The following SOX6 variants were observed in gnomAD, a reference collection of about 807,000 sequenced individuals.
The protein encoded by SOX6 is transcription factor SOX-6.
SOX6 carries 11 observed loss-of-function variants against 97.8 expected under a neutral mutation model. The observed-to-expected ratio is 0.11, with a 90% confidence interval of 0.07 to 0.19. The LOEUF (loss-of-function observed/expected upper bound fraction) is 0.19, where lower values mean the gene tolerates loss of function less well. SOX6 is among the 10% of genes least tolerant of loss of function. The pLI is 1.00. For synonymous variants in SOX6, 360 were observed against 371.4 expected, an observed-to-expected ratio of 0.97 and a Z score of 0.35; for missense variants, 810 against 1,039.5, an observed-to-expected ratio of 0.78 and a Z score of 3.04.
intron 4 of SOX6, among the ~76,000 whole-genome samples, chr11:16,514,652 C>T (rs945478564): frequency 1.3e-5 from 2 of 150,488 alleles, no homozygotes; most frequent in Non-Finnish European, 1.5e-5. Context: ...CCCACTAACT[C>T]GTCATCTAGC....
intron 4 of SOX6, among the ~76,000 whole-genome samples, chr11:16,608,476 G>T (rs751906966): frequency 2.0e-5 from 3 of 151,812 alleles, no homozygotes; most frequent in East Asian, 3.9e-4. Context: ...ACGAAAAAAA[G>T]AAGTAGTCAA....
chr11:16,596,103 T>A (rs1303172192), intron 4 of SOX6, among the ~76,000 whole-genome samples: 1 of 152,210 alleles, frequency 6.6e-6, no homozygotes, highest in African/African-American at 2.4e-5. Flanking sequence ...AACACCTAGA[T>A]CTAAAAGCTT....
At chr11:16,059,042 G>C (rs1443753298) in intron 9 of SOX6, among the ~76,000 whole-genome samples, 1 of 152,048 alleles carries the variant, frequency 6.6e-6, no homozygotes, top group East Asian at 1.9e-4. Flanking sequence ...AACTGGGCTT[G>C]ATTCTTTTTG....
chr11:16,389,549 AT>A (rs946277333), intron 1 of SOX6, among the ~76,000 whole-genome samples: 10 of 144,686 alleles, frequency 6.9e-5, no homozygotes, highest in Admixed American at 5.5e-4. Context: ...GAGATGTCTT[AT>A]TTTTTTTTCA....
intron 7 of SOX6, among the ~76,000 whole-genome samples, chr11:16,101,662 A>T (rs1205807146): frequency 6.6e-6 from 1 of 151,638 alleles, no homozygotes; most frequent in African/African-American, 2.4e-5. Context: ...ATTCATCCCC[A>T]TTACATAAAA....
At chr11:16,704,396 G>A (rs1184697453) in intron 3 of SOX6, among the ~76,000 whole-genome samples, 2 of 151,940 alleles carry the variant, frequency 1.3e-5, no homozygotes, top group South Asian at 2.1e-4. Flanking sequence ...CAACAAGCTA[G>A]GCAAACAATA....
intron 3 of SOX6, among the ~76,000 whole-genome samples, chr11:16,285,320 G>A (rs1479957710): frequency 6.6e-6 from 1 of 152,054 alleles, no homozygotes; most frequent in Non-Finnish European, 1.5e-5. Flanking sequence ...ATCATCTGAG[G>A]TCAGGAGTTC....
intron 4 of SOX6, among the ~76,000 whole-genome samples, chr11:16,215,157 C>T (rs1852338350): frequency 6.6e-6 from 1 of 152,128 alleles, no homozygotes; most frequent in Non-Finnish European, 1.5e-5. Context: ...TTCATGAGTA[C>T]TAGCTATTTC....
intron 3 of SOX6, among the ~76,000 whole-genome samples, chr11:16,644,531 T>A (rs1848981646): frequency 6.6e-6 from 1 of 152,184 alleles, no homozygotes; most frequent in Non-Finnish European, 1.5e-5. Context: ...TTAAAATTTC[T>A]TTTTTATTTC....
At chr11:16,007,887 C>T (rs143588275) in intron 13 of SOX6, among the ~76,000 whole-genome samples, 1 of 152,106 alleles carries the variant, frequency 6.6e-6, no homozygotes, top group South Asian at 2.1e-4. Flanking sequence ...CATATGCTAG[C>T]TATCCTTGTC....
chr11:16,159,938 G>T (rs184281731), intron 6 of SOX6, among the ~76,000 whole-genome samples: 1 of 152,214 alleles, frequency 6.6e-6, no homozygotes, highest in Admixed American at 6.5e-5. Flanking sequence ...TAACAGTTCT[G>T]CCGTAGACAA....
intron 13 of SOX6, among the ~76,000 whole-genome samples, chr11:16,010,606 G>T (rs1396696927): frequency 6.6e-6 from 1 of 151,812 alleles, no homozygotes; most frequent in African/African-American, 2.4e-5. Context: ...AGGTATAAGA[G>T]AAAAAAGAAA....
intron 1 of SOX6, among the ~76,000 whole-genome samples, chr11:16,389,969 TAAAAAAAAAAAAAAAAA>T (rs536056301): frequency 4.8e-5 from 2 of 41,856 alleles, no homozygotes; most frequent in African/African-American, 1.0e-4. Flanking sequence ...GACTCCGTCT[TAAAAAAAAAAAAAAAAA>T]AAAAAAAAAA....
chr11:16,281,490 T>C (rs1240027832), intron 3 of SOX6, among the ~76,000 whole-genome samples: 2 of 152,062 alleles, frequency 1.3e-5, no homozygotes, highest in Admixed American at 1.3e-4. Flanking sequence ...ATGTATTTCA[T>C]TTTTCCTACT....
chr11:16,422,817 AT>A (rs561499025), intron 1 of SOX6, among the ~76,000 whole-genome samples: 1 of 151,760 alleles, frequency 6.6e-6, no homozygotes, highest in African/African-American at 2.4e-5. Flanking sequence ...AAAAACCTTT[AT>A]TTTTTTTCTA....
intron 6 of SOX6, among the ~76,000 whole-genome samples, chr11:16,157,393 T>A (rs891820322): frequency 6.6e-6 from 1 of 152,018 alleles, no homozygotes; most frequent in African/African-American, 2.4e-5. Flanking sequence ...CAAACCTATA[T>A]ATCCAACATC....
intron 3 of SOX6, among the ~76,000 whole-genome samples, chr11:16,283,099 A>ATATG (rs1179673066): frequency 1.4e-5 from 2 of 142,366 alleles, no homozygotes; most frequent in Admixed American, 1.4e-4. Flanking sequence ...GTATATATAT[A>ATATG]TATATATATA....
At chr11:16,416,624 A>G (rs1349021688) in intron 1 of SOX6, among the ~76,000 whole-genome samples, 3 of 152,176 alleles carry the variant, frequency 2.0e-5, no homozygotes, top group Non-Finnish European at 2.9e-5. Context: ...CATCCACGAC[A>G]CTAAATCATT....
chr11:16,610,198 C>T lies in SOX6; in HGVS notation n.609+1883G>A, dbSNP rs1484980074. Reference sequence around the variant, plus strand: ...AAGGGCCATAAAACCTCTCCAAAGCCTAAAGAGGTCATCATTGAAGGACCT... The same window carrying T: ...AAGGGCCATAAAACCTCTCCAAAGCTTAAAGAGGTCATCATTGAAGGACCT... On this transcript the variant is annotated intron_variant and non_coding_transcript_variant, in intron 4 of 5. Transcript: ENST00000524520. The surrounding 1 kb of genome is among the most constrained non-coding windows in gnomAD (Gnocchi z 4.4). Among the ~76,000 whole-genome samples the T allele has an allele frequency of 6.6e-6, 1 of 152,194 alleles. No individual in the cohort carries two copies. Among genetic ancestry groups the T allele is most frequent in the Non-Finnish European group, 1.5e-5 (1 of 68,038 alleles).
Sources: allele counts gnomAD v4.1 joint callset (sites outside exome capture counted in the v4.1 genomes callset), GRCh38; gene constraint gnomAD v4.1.1; non-coding constraint Gnocchi (gnomAD v3.1); transcripts MANE v1.5; gene names NCBI Gene and HGNC (gene_info 2026-07-23, HGNC 2026-07-21).